DYSF: variants seen among roughly 807,000 people sequenced by gnomAD.
The protein encoded by DYSF is dysferlin.
A neutral mutation model predicts 274.9 loss-of-function variants in DYSF; 212 were observed. The ratio of observed to expected loss-of-function variants is 0.77; its 90% CI spans 0.69 to 0.86. The LOEUF (loss-of-function observed/expected upper bound fraction) is 0.86, where lower values mean the gene tolerates loss of function less well. Ranked by LOEUF, DYSF falls within the 40% of genes least tolerant of loss-of-function variation. DYSF has a pLI of 0.00. For missense variants in DYSF, 2,666 were observed against 2,783.2 expected, an observed-to-expected ratio of 0.96 and a Z score of 0.95; for synonymous variants, 1,091 against 1,078.7, an observed-to-expected ratio of 1.01 and a Z score of -0.22.
intron 41 of DYSF, among the ~76,000 whole-genome samples, chr2:71,623,352 A>C (rs1425620825): frequency 8.3e-6 from 1 of 120,068 alleles, no homozygotes; most frequent in Non-Finnish European, 1.6e-5. Context: ...CAGTCCCCAG[A>C]GTGTGATATT....
At chr2:71,492,708 CCT>C (rs1162367680) in intron 3 of DYSF, among the ~76,000 whole-genome samples, 1 of 137,542 alleles carries the variant, frequency 7.3e-6, no homozygotes, top group Non-Finnish European at 1.6e-5. Context: ...TCCCCCCCCC[CCT>C]TTTCTTTCTC....
rs772363219 is a variant in DYSF at position 71,543,966 on chromosome 2, CGGAGAG to C, written c.1576+4742_1576+4747del. Among the ~76,000 whole-genome samples the C allele has an allele frequency of 1.5e-3, 212 of 143,650 alleles. 1 individual carries two copies. Among genetic ancestry groups the C allele is most frequent in the African/African-American group, 5.0e-3 (189 of 37,786 alleles). The allele number at this position is 143,650 out of a possible 152,430, so 94.2% of individuals were successfully genotyped here. A position where few individuals can be genotyped will look rare whatever the true frequency, so the allele number is the denominator to read the frequency against. ...AGGGAGACGGAGAGGGAGAGGGAGA[CGGAGAG>C]GGAGAGGGAGAGGGCTCAAGCCTTC... On this transcript the variant is annotated intron_variant, in intron 17 of 55. Transcript: ENST00000410020.
chr2:71,656,386 C>A, intron 43 of DYSF, 96 bp downstream of exon 43: 11 of 1,569,862 alleles, frequency 7.0e-6, no homozygotes, highest in Non-Finnish European at 9.6e-6. Context: ...ACTGGTGACC[C>A]TGGTGCTGAT....
chr2:71,545,683 G>A (rs1379138280), intron 17 of DYSF, among the ~76,000 whole-genome samples: 1 of 152,166 alleles, frequency 6.6e-6, no homozygotes, highest in Non-Finnish European at 1.5e-5. Flanking sequence ...GGGGCACACT[G>A]TGGCATTTCT....
chr2:71,676,943 G>C (rs1381110105), intron 52 of DYSF, among the ~76,000 whole-genome samples: 10 of 151,944 alleles, frequency 6.6e-5, no homozygotes, highest in Non-Finnish European at 1.5e-4. Flanking sequence ...GTGTGTGTGT[G>C]TGTGTGTGGT....
upstream of DYSF, among the ~76,000 whole-genome samples, chr2:71,462,697 G>T (rs2081333324): frequency 1.3e-5 from 2 of 152,216 alleles, no homozygotes; most frequent in Non-Finnish European, 2.9e-5. Context: ...CTGCAGGCAG[G>T]TCCTCCTGAT....
At position 71,667,372 on chromosome 2, in the gene DYSF, G is replaced by A. The variant is rs2095033976; in HGVS notation, c.5318-4G>A. 2.5e-6 allele frequency: 4 copies of A among 1,614,054 alleles called. No homozygotes were observed. The highest frequency in any genetic ancestry group is 1.3e-5 in the African/African-American group (1 of 75,014). On this transcript the variant is annotated splice_polypyrimidine_tract_variant and splice_region_variant and intron_variant, in intron 47 of 55. Transcript: ENST00000410020. ...GCAACTTTTTTGTCTTCTCTCTGGG[G>A]CAGAGGCTGGCAGGATCCCAAACCC...
intron 36 of DYSF, among the ~76,000 whole-genome samples, chr2:71,609,050 T>A (rs2093699979): frequency 6.6e-6 from 1 of 152,002 alleles, no homozygotes; most frequent in Non-Finnish European, 1.5e-5. Flanking sequence ...TGCAACCCTG[T>A]CTTTAAAGAG....
chr2:71,471,610 T>G (rs931662745), intron 1 of DYSF, among the ~76,000 whole-genome samples: 2 of 152,200 alleles, frequency 1.3e-5, no homozygotes, highest in African/African-American at 4.8e-5. Flanking sequence ...GCCAGCCCCA[T>G]TTCTCCACCA....
At chr2:71,526,993 C>T (rs947407571) in intron 13 of DYSF, among the ~76,000 whole-genome samples, 11 of 152,140 alleles carry the variant, frequency 7.2e-5, no homozygotes, top group Admixed American at 3.3e-4. Flanking sequence ...GTGGTTGGCC[C>T]GATACTAGAC....
chr2:71,571,448 G>A (rs1417177611), intron 29 of DYSF, among the ~76,000 whole-genome samples: 2 of 74,026 alleles, frequency 2.7e-5, no homozygotes, highest in African/African-American at 8.9e-5. Context: ...ATCACACCCA[G>A]CACACACACA....
rs985347809 is a variant in DYSF at position 71,615,448 on chromosome 2, T to G, written c.4464+2038T>G. 6.6e-6 allele frequency among the ~76,000 whole-genome samples: 1 copy of G among 152,140 alleles called. No individual in the cohort carries two copies. The highest frequency in any genetic ancestry group is 2.4e-5 in the African/African-American group (1 of 41,430). On this transcript the variant is annotated intron_variant, in intron 40 of 55. Transcript: ENST00000410020. The surrounding 1 kb of genome is among the most constrained non-coding windows in gnomAD (Gnocchi z 4.9). Reference sequence around the variant, plus strand: ...TGCCCTCATGGAGCTCCCTGTCTGATGAAAGAGACAAAACTCTGTTCTCAA... The same window carrying G: ...TGCCCTCATGGAGCTCCCTGTCTGAGGAAAGAGACAAAACTCTGTTCTCAA...
chr2:71,578,392 C>T (rs10169824), intron 30 of DYSF, among the ~76,000 whole-genome samples: 89,187 of 151,996 alleles, frequency 0.59, 26,423 homozygotes, highest in East Asian at 0.82. Flanking sequence ...GACATGTTCT[C>T]CCTGCTGCTT....
chr2:71,518,293 G>A (rs1000684189), intron 10 of DYSF, among the ~76,000 whole-genome samples: 1 of 140,072 alleles, frequency 7.1e-6, no homozygotes, highest in African/African-American at 2.7e-5. Flanking sequence ...GTCTTGCTCT[G>A]TCGCCCAGGC....
chr2:71,638,684 T>C (rs542697453), intron 41 of DYSF, among the ~76,000 whole-genome samples: 1 of 152,362 alleles, frequency 6.6e-6, no homozygotes, highest in African/African-American at 2.4e-5. Flanking sequence ...TATTACCAAA[T>C]AATGTGCCAG....
chr2:71,508,857 T>G (rs2152724921), intron 4 of DYSF, among the ~76,000 whole-genome samples: 2 of 152,332 alleles, frequency 1.3e-5, no homozygotes, highest in Admixed American at 1.3e-4. Context: ...TGTATTTGTA[T>G]TTTTACTTTT....
At chr2:71,581,132 C>T (rs564728659) in intron 30 of DYSF, among the ~76,000 whole-genome samples, 2 of 152,214 alleles carry the variant, frequency 1.3e-5, no homozygotes, top group Admixed American at 6.5e-5. Context: ...GGCACCCTGG[C>T]GTGGGATGAA....
intron 47 of DYSF, among the ~76,000 whole-genome samples, chr2:71,666,991 G>A (rs1261176605): frequency 6.6e-6 from 1 of 152,196 alleles, no homozygotes; most frequent in Non-Finnish European, 1.5e-5. Context: ...AATACTAACA[G>A]CACTAAGATG....
chr2:71,568,348 G>A lies in DYSF; in HGVS notation c.2864+10G>A, dbSNP rs1338085640. The A allele has an allele frequency of 3.1e-6, 5 of 1,613,468 alleles. No individual in the cohort carries two copies. In the Admixed American group the frequency reaches 8.3e-5, roughly 27 times the overall value. ...TGTGTCCGGAGAAGACGTGAGTCGT[G>A]GGCAGGGAGGGCTGGGGAGAGCCAG... On this transcript the variant is annotated intron_variant, in intron 26 of 55. Coordinates refer to ENST00000410020, the MANE Select transcript of DYSF (RefSeq NM_001130987.2).
Sources: allele counts gnomAD v4.1 joint callset (sites outside exome capture counted in the v4.1 genomes callset), GRCh38; gene constraint gnomAD v4.1.1; non-coding constraint Gnocchi (gnomAD v3.1); transcripts MANE v1.5; gene names NCBI Gene and HGNC (gene_info 2026-07-23, HGNC 2026-07-21).